The following KIF12 variants were observed in gnomAD, a reference collection of about 807,000 sequenced individuals.
KIF12 encodes the protein kinesin-like protein KIF12.
In KIF12, 80 loss-of-function variants were observed where a neutral mutation model predicts 87.9. That is an observed-to-expected ratio of 0.91 (90% CI 0.76 to 1.10). KIF12 has a LOEUF of 1.10. Ranked by LOEUF, KIF12 falls within the 50% of genes least tolerant of loss-of-function variation. The pLI is 0.00. For missense variants in KIF12, 819 were observed against 865.3 expected (o/e 0.95, Z 0.67); for synonymous variants, 353 against 348.5 (o/e 1.01, Z -0.14).
At position 114,095,041 on chromosome 9, in the gene KIF12, G is replaced by A. The variant is rs759937052; in HGVS notation, c.1101C>T (p.Thr367=). 7 of 1,602,474 alleles carry A rather than the reference G, an allele frequency of 4.4e-6. No individual in the cohort carries two copies. The Admixed American group carries it at 8.4e-5, about 19-fold the overall frequency. Residue 367 remains threonine, a synonymous_variant, in exon 11 of 19, where the codon ACC becomes ACT. Coordinates refer to ENST00000640217, the MANE Select transcript of KIF12 (RefSeq NM_001388308.1). ...TACTCACCTTGGGGGCCTGTGGTCG[G>A]GTGGTGACCCGCTGAGCTCGGCTTG... ...RYASRAQRVT[T]RPQAPKSPVA...
Position 114,099,094 on chromosome 9 carries a change from T to G in KIF12, c.92+10A>C. 3 of 1,550,442 alleles carry G rather than the reference T, an allele frequency of 1.9e-6. No individual in the cohort carries two copies. The highest frequency in any genetic ancestry group is 2.6e-6 in the Non-Finnish European group (3 of 1,146,938). ...CTCGCCCAGGTGCCTCCTAGCCAAT[T>G]TATACCCACCTGAGCACCACCTGGA... On this transcript the variant is annotated intron_variant, in intron 2 of 18. Transcript: ENST00000640217.
Position 114,095,932 on chromosome 9 carries a change from C to T in KIF12, c.895+119G>A, listed in dbSNP as rs1330679399. ...AGAATGGGGCCTTTGGTTCCTGGAT[C>T]GCAGCTCTTTAACCCTCTTCTATTT... On this transcript the variant is annotated intron_variant, in intron 9 of 18. Transcript: ENST00000640217. The T allele has an allele frequency of 1.0e-5, 12 of 1,154,358 alleles. No individual in the cohort carries two copies. In the South Asian group the frequency reaches 1.1e-4, roughly 11 times the overall value. 71.5% of individuals were successfully genotyped at this position (1,154,358 alleles called of 1,614,324 possible). A position where few individuals can be genotyped will look rare whatever the true frequency, so the allele number is the denominator to read the frequency against.
chr9:114,098,925 G>T lies in KIF12; in HGVS notation c.171+10C>A. 1.9e-6 allele frequency: 3 copies of T among 1,546,130 alleles called. No individual in the cohort carries two copies. Among genetic ancestry groups the T allele is most frequent in the Non-Finnish European group, 2.6e-6 (3 of 1,144,664 alleles). On this transcript the variant is annotated intron_variant, in intron 3 of 18. Transcript: ENST00000640217. ...TTTTTATTGGGGAGATAGAGAGAGG[G>T]GTTCCTCACCTGCAGAGTCCGGGTC...
At chr9:114,095,988 G>C in intron 9 of KIF12, 63 bp downstream of exon 9, 1 of 1,522,918 alleles carries the variant, frequency 6.6e-7, no homozygotes, top group Non-Finnish European at 8.9e-7. Context: ...CCCCACTGTG[G>C]AGAGCTGTGA....
At chr9:114,098,271 C>T (rs746135614) in intron 4 of KIF12, 31 bp downstream of exon 4, 23 of 1,500,382 alleles carry the variant, frequency 1.5e-5, no homozygotes, top group Non-Finnish European at 2.0e-5. Flanking sequence ...CCGCCAGGCC[C>T]GGCGCGGAGC....
In KIF12 at chr9:114,096,450, G is replaced by A; in HGVS notation, c.675C>T (p.His225=). 6.2e-7 allele frequency: 1 copy of A among 1,612,526 alleles called. No homozygotes were observed. The highest frequency in any genetic ancestry group is 1.1e-5 in the South Asian group (1 of 90,448). ...TTCGGCTGGAGGCCTGGTTCAGGGT[G>A]TGGGCTGAGTTCCTTCGACGGCTGA... is the stretch of plus-strand genomic sequence containing the variant. ...TGLSRRRNSA[H]TLNQASSRSH... Residue 225 remains histidine (H), a synonymous_variant, in exon 8 of 19, where the codon CAC becomes CAT. Transcript: ENST00000640217.
In KIF12 at chr9:114,092,577, T is replaced by A; in HGVS notation, c.1662A>T (p.Pro554=). 6.2e-7 allele frequency: 1 copy of A among 1,608,820 alleles called. No individual in the cohort carries two copies. ...PSARPPPWAP[P]CSPGSAKCPR... is the part of the protein sequence containing the mutation. ...GGCACTTGGCAGAGCCAGGGCTGCA[T>A]GGGGGTGCCCAGGGTGGGGGCCGGG... is the stretch of plus-strand genomic sequence containing the variant. Residue 554 remains proline (P), a synonymous_variant, in exon 17 of 19, where the codon CCA becomes CCT. Coordinates refer to ENST00000640217, the MANE Select transcript of KIF12 (RefSeq NM_001388308.1).
In KIF12 at chr9:114,093,274, G is replaced by A. The variant is rs199880580; in HGVS notation, c.1551C>T (p.Pro517=). 115 of 1,559,444 alleles carry A rather than the reference G, an allele frequency of 7.4e-5. No individual in the cohort carries two copies. In the East Asian group the frequency reaches 8.1e-4, roughly 11 times the overall value. The change falls in exon 16 of 19, where the codon CCC becomes CCT. Residue 517 remains proline, a synonymous_variant. Transcript: ENST00000640217. ...CCHICPLCRV[P]LAHWACLPGE... Reference sequence around the variant, plus strand: ...CTGGCAGGCAGGCCCAGTGGGCCAGGGGCACTCGACACAGTGGGCAGATGT... The same window carrying A: ...CTGGCAGGCAGGCCCAGTGGGCCAGAGGCACTCGACACAGTGGGCAGATGT...
rs1187711117 is a variant in KIF12, at chr9:114,094,363, C to T, written c.1212G>A (p.Met404Ile). 1.2e-6 allele frequency: 2 copies of T among 1,613,512 alleles called. No individual in the cohort carries two copies. Among genetic ancestry groups the T allele is most frequent in the Admixed American group, 3.3e-5 (2 of 59,998 alleles). Residue 404 changes from methionine to isoleucine, a missense_variant, in exon 12 of 19, where the codon ATG becomes ATA. Physicochemically the swap from Met to Ile is conservative, Grantham distance 10 (BLOSUM62 1). Transcript: ENST00000640217. ...NRRLQFQLDQ[M>I]DCKASGLSGA... The stretch of plus-strand genomic sequence containing the variant: ...CCAGGAAGCCCATACCCTTGCAGTC[C>T]ATTTGGTCCAGCTGGAACTGCAGGC...
intron 11 of KIF12, 59 bp downstream of exon 11, chr9:114,094,964 C>T: frequency 2.8e-6 from 4 of 1,429,096 alleles, no homozygotes; most frequent in Non-Finnish European, 3.8e-6. Flanking sequence ...GCTCCAACTC[C>T]TGCCTGATCC....
At chr9:114,096,590 G>A in intron 7 of KIF12, 112 bp from the exon 8 acceptor site, 1 of 882,218 alleles carries the variant, frequency 1.1e-6, no homozygotes, top group Non-Finnish European at 1.8e-6. Flanking sequence ...TGCAAAGGCA[G>A]GGAGGCAACA....
intron 9 of KIF12, among the ~76,000 whole-genome samples, 174 bp from the exon 10 acceptor site, chr9:114,095,506 G>A (rs1847185725): frequency 6.6e-6 from 1 of 152,300 alleles, no homozygotes; most frequent in East Asian, 1.9e-4. Flanking sequence ...GGGACTCTTT[G>A]AGGGCAGAGA....
intron 9 of KIF12, among the ~76,000 whole-genome samples, chr9:114,095,549 C>A (rs550464154): frequency 8.5e-5 from 13 of 152,320 alleles, no homozygotes; most frequent in South Asian, 2.1e-4. Context: ...CAATGCCCAG[C>A]AAAGTGCCTG....
rs1053762319 is a variant in KIF12, at chr9:114,097,731, A to AC, written c.385dup (p.Val129GlyfsTer41). 6.2e-6 allele frequency: 10 copies of AC among 1,612,502 alleles called. No homozygotes were observed. The highest frequency in any genetic ancestry group is 1.1e-5 in the South Asian group (1 of 90,964). On this transcript the variant is annotated frameshift_variant, in exon 6 of 19. Coordinates refer to ENST00000640217, the MANE Select transcript of KIF12 (RefSeq NM_001388308.1). LOFTEE classifies it high-confidence loss of function. ...GCCAGCCAGGCTGGGGGGTACAGGCACCCCCTCCCCCTAGGGGCAAAACCA... is the reference window on the plus strand; with the variant it reads ...GCCAGCCAGGCTGGGGGGTACAGGCACCCCCCTCCCCCTAGGGGCAAAACCA...
chr9:114,094,352 C>T lies in KIF12; in HGVS notation c.1222+1G>A. ...CTACTCTGCCTCCAGGAAGCCCATA[C>T]CCTTGCAGTCCATTTGGTCCAGCTG... On this transcript the variant is annotated splice_donor_variant, in intron 12 of 18. Coordinates refer to ENST00000640217, the MANE Select transcript of KIF12 (RefSeq NM_001388308.1). LOFTEE classifies it high-confidence loss of function. 4 of 1,613,124 alleles carry T rather than the reference C, an allele frequency of 2.5e-6. No homozygotes were observed. The highest frequency in any genetic ancestry group is 3.4e-6 in the Non-Finnish European group (4 of 1,179,158).
intron 17 of KIF12, 41 bp from the exon 18 acceptor site, chr9:114,092,492 A>G: frequency 6.2e-7 from 1 of 1,613,408 alleles, no homozygotes; most frequent in South Asian, 1.1e-5. Flanking sequence ...TGAGCCTTTG[A>G]GTTCCCCAGA....
At position 114,096,344 on chromosome 9, in the gene KIF12, T is replaced by G. The variant is rs984319440; in HGVS notation, c.738+43A>C. 5 of 1,600,184 alleles carry G rather than the reference T, an allele frequency of 3.1e-6. No individual in the cohort carries two copies. The African/African-American group carries it at 6.7e-5, about 21-fold the overall frequency. On this transcript the variant is annotated intron_variant, in intron 8 of 18. Coordinates refer to ENST00000640217, the MANE Select transcript of KIF12 (RefSeq NM_001388308.1). ...TATATGTCCAGATACAGACCCTTGC[T>G]TGGTGGCCCCGGGTAAGCACCTTCC...
Position 114,091,694 on chromosome 9 carries a change from C to T in KIF12, c.*167G>A. 1 of 611,834 alleles carries T rather than the reference C, an allele frequency of 1.6e-6. No homozygotes were observed. The highest frequency in any genetic ancestry group is 2.7e-6 in the Non-Finnish European group (1 of 368,514). The allele number at this position is 611,834 out of a possible 1,614,324, so 37.9% of individuals were successfully genotyped here. On this transcript the variant is annotated 3_prime_UTR_variant, in exon 19 of 19. Coordinates refer to ENST00000640217, the MANE Select transcript of KIF12 (RefSeq NM_001388308.1). Reference sequence around the variant, plus strand: ...TTCATCCCCTGCTGCCTGGTTTCTCCTGAATCCCCTTGTTCCCCTAAATAG... The same window carrying T: ...TTCATCCCCTGCTGCCTGGTTTCTCTTGAATCCCCTTGTTCCCCTAAATAG...
rs753521320 is a variant in KIF12 at position 114,094,431 on chromosome 9, G to A, written c.1144C>T (p.Arg382Cys). 8.1e-6 allele frequency: 13 copies of A among 1,613,316 alleles called. No homozygotes were observed. Among genetic ancestry groups the A allele is most frequent in the Admixed American group, 3.3e-5 (2 of 59,990 alleles). The change falls in exon 12 of 19, where the codon CGT (arginine) becomes TGT (cysteine). Residue 382 changes from arginine (R) to cysteine (C), a missense_variant. Physicochemically the swap from Arg to Cys is radical, Grantham distance 180. Coordinates refer to ENST00000640217, the MANE Select transcript of KIF12 (RefSeq NM_001388308.1). ...AGCTGCAGCATCTCTGTCTCCAAAC[G>A]CTGGGGCTGCTTTGCCACAGGAGAC... ...PKSPVAKQPQ[R>C]LETEMLQLQE... is the part of the protein sequence containing the mutation.
Sources: allele counts gnomAD v4.1 joint callset (sites outside exome capture counted in the v4.1 genomes callset), GRCh38; gene constraint gnomAD v4.1.1; transcripts MANE v1.5; gene names NCBI Gene and HGNC (gene_info 2026-07-23, HGNC 2026-07-21).